The following CDK7 variants were observed in gnomAD, a reference collection of about 807,000 sequenced individuals.
The protein encoded by CDK7 is cyclin-dependent kinase 7.
In CDK7, 25 loss-of-function variants were observed where a neutral mutation model predicts 49.1. That is an observed-to-expected ratio of 0.51 (90% confidence interval 0.37 to 0.71). The LOEUF (loss-of-function observed/expected upper bound fraction) is 0.71, where lower values mean the gene tolerates loss of function less well. Ranked by LOEUF, CDK7 falls within the 30% of genes least tolerant of loss-of-function variation. CDK7 has a pLI of 0.00. For missense variants in CDK7, 316 were observed against 411.7 expected (o/e 0.77, Z 2.01); for synonymous variants, 107 against 140.0 (o/e 0.76, Z 1.67).
rs1751363624 is a variant in CDK7 at position 69,269,207 on chromosome 5, G to A, written c.628G>A (p.Val210Ile). The A allele has an allele frequency of 5.0e-6, 8 of 1,593,300 alleles. No individual in the cohort carries two copies. Among genetic ancestry groups the A allele is most frequent in the Non-Finnish European group, 6.8e-6 (8 of 1,171,650 alleles). Residue 210 changes from valine to isoleucine, a missense_variant and splice_region_variant, in exon 9 of 12, where the codon GTT becomes ATT. Physicochemically the swap from Val to Ile is conservative, Grantham distance 29. Coordinates refer to ENST00000256443, the MANE Select transcript of CDK7 (RefSeq NM_001799.4). Reference sequence around the variant, plus strand: ...AAGTCTCCCTCTTACTTTCTTTCAGGTTCCTTTTTTGCCAGGAGATTCAGA... The same window carrying A: ...AAGTCTCCCTCTTACTTTCTTTCAGATTCCTTTTTTGCCAGGAGATTCAGA... ...GCILAELLLRVPFLPGDSDLD... is the reference protein window; with the variant it reads ...GCILAELLLRIPFLPGDSDLD...
At chr5:69,257,166 G>T (rs1411362055) in intron 5 of CDK7, among the ~76,000 whole-genome samples, 3 of 152,164 alleles carry the variant, frequency 2.0e-5, no homozygotes, top group Admixed American at 1.3e-4. Flanking sequence ...GCGGTTATGG[G>T]GGCTTTGGGG....
At chr5:69,248,576 C>T (rs1236700323) in intron 2 of CDK7, among the ~76,000 whole-genome samples, 9 of 151,838 alleles carry the variant, frequency 5.9e-5, no homozygotes, top group South Asian at 2.1e-4. Flanking sequence ...TTAGTAGAGA[C>T]GGGGTTTCTC....
At chr5:69,261,795 C>G (rs138084927) in intron 7 of CDK7, among the ~76,000 whole-genome samples, 6 of 152,208 alleles carry the variant, frequency 3.9e-5, no homozygotes, top group Admixed American at 2.6e-4. Context: ...TCCCAAAGTG[C>G]TGGGATTACA....
chr5:69,241,584 A>G (rs1465519906), intron 2 of CDK7, among the ~76,000 whole-genome samples: 1 of 151,990 alleles, frequency 6.6e-6, no homozygotes, highest in Non-Finnish European at 1.5e-5. Flanking sequence ...TCAGCCTCCC[A>G]AAGTGCTGGG....
In CDK7 at chr5:69,249,509, C is replaced by T. The variant is rs144822394; in HGVS notation, c.127-2909C>T. On this transcript the variant is annotated intron_variant, in intron 2 of 11. Coordinates refer to ENST00000256443, the MANE Select transcript of CDK7 (RefSeq NM_001799.4). The stretch of plus-strand genomic sequence containing the variant: ...AGTGAGCCGAGATTGCACCACTGCA[C>T]TCCAGCTTGGGTGACAGAGTGACAG... Among the ~76,000 whole-genome samples the T allele has an allele frequency of 1.4e-3, 215 of 151,458 alleles. 1 individual carries two copies. Among genetic ancestry groups the T allele is most frequent in the African/African-American group, 5.1e-3 (211 of 41,134 alleles).
chr5:69,251,226 T>C lies in CDK7; in HGVS notation c.127-1192T>C, dbSNP rs1024443735. ...GATTCTTCTGCCTCAGCCTCCCAAG[T>C]AGCTGGGACTACAGGCGTGTGCCAC... is the stretch of plus-strand genomic sequence containing the variant. On this transcript the variant is annotated intron_variant, in intron 2 of 11. Coordinates refer to ENST00000256443, the MANE Select transcript of CDK7 (RefSeq NM_001799.4). 2.6e-5 allele frequency among the ~76,000 whole-genome samples: 4 copies of C among 151,948 alleles called. No individual in the cohort carries two copies. The East Asian group carries it at 5.8e-4, about 22-fold the overall frequency.
chr5:69,267,035 G>A (rs1240180041), intron 8 of CDK7, among the ~76,000 whole-genome samples: 1 of 152,050 alleles, frequency 6.6e-6, no homozygotes, highest in Non-Finnish European at 1.5e-5. Flanking sequence ...ATACAAATAA[G>A]ACATTTTAAA....
chr5:69,269,760 T>A (rs968248101), intron 9 of CDK7, among the ~76,000 whole-genome samples: 38 of 151,458 alleles, frequency 2.5e-4, no homozygotes, highest in African/African-American at 7.5e-4. Flanking sequence ...TATTATTATT[T>A]TTTTTAATAG....
intron 2 of CDK7, among the ~76,000 whole-genome samples, chr5:69,243,278 A>G (rs971143224): frequency 6.6e-6 from 1 of 152,232 alleles, no homozygotes; most frequent in Non-Finnish European, 1.5e-5. Flanking sequence ...CACCAGGAAG[A>G]GAAGAAAGAC....
chr5:69,267,807 T>G (rs989713437), intron 8 of CDK7, among the ~76,000 whole-genome samples: 1 of 152,172 alleles, frequency 6.6e-6, no homozygotes, highest in Non-Finnish European at 1.5e-5. Flanking sequence ...ACACCAATTC[T>G]TAAAATTTGT....
At position 69,252,404 on chromosome 5, in the gene CDK7, T is replaced by TC. The variant is rs772750894; in HGVS notation, c.127-12dup. The TC allele has an allele frequency of 1.3e-6, 2 of 1,529,158 alleles. No individual in the cohort carries two copies. Among genetic ancestry groups the TC allele is most frequent in the Admixed American group, 3.9e-5 (2 of 51,658 alleles). The allele number at this position is 1,529,158 out of a possible 1,614,324, so 94.7% of individuals were successfully genotyped here. ...CATTTTTAATATATTTGGGTTTTTT[T>TC]CCGTTTCTACCAGATCAAACTTGGA... On this transcript the variant is annotated splice_polypyrimidine_tract_variant and intron_variant, in intron 2 of 11. Coordinates refer to ENST00000256443, the MANE Select transcript of CDK7 (RefSeq NM_001799.4).
chr5:69,238,835 T>C (rs1749183061), intron 2 of CDK7, among the ~76,000 whole-genome samples: 1 of 151,962 alleles, frequency 6.6e-6, no homozygotes, highest in Non-Finnish European at 1.5e-5. Flanking sequence ...GTGCTGAGAT[T>C]ACAGGCTTGA....
intron 2 of CDK7, among the ~76,000 whole-genome samples, chr5:69,245,370 C>G (rs1749684449): frequency 6.9e-6 from 1 of 145,840 alleles, no homozygotes; most frequent in African/African-American, 2.5e-5. Context: ...TTTTCTCGCT[C>G]TATCGCCTAC....
intron 10 of CDK7, among the ~76,000 whole-genome samples, chr5:69,273,810 A>G (rs1751820000): frequency 6.6e-6 from 1 of 152,156 alleles, no homozygotes. Context: ...CCAGGCTACA[A>G]AATCATTGTT....
intron 7 of CDK7, among the ~76,000 whole-genome samples, chr5:69,261,015 G>A (rs1413885972): frequency 1.3e-5 from 2 of 152,082 alleles, no homozygotes; most frequent in South Asian, 2.1e-4. Context: ...GATGGGTTTC[G>A]CCATGTTGCC....
chr5:69,266,127 T>C (rs1751142446), intron 8 of CDK7, among the ~76,000 whole-genome samples: 1 of 151,970 alleles, frequency 6.6e-6, no homozygotes, highest in Non-Finnish European at 1.5e-5. Context: ...CCACCTGGTG[T>C]GTATAGGGCA....
At chr5:69,245,204 A>T (rs1002155167) in intron 2 of CDK7, among the ~76,000 whole-genome samples, 8 of 151,578 alleles carry the variant, frequency 5.3e-5, no homozygotes, top group African/African-American at 1.7e-4. Context: ...ATGAGTTTGG[A>T]AGTATTTACT....
intron 3 of CDK7, among the ~76,000 whole-genome samples, chr5:69,254,305 C>T (rs1164578608): frequency 6.6e-6 from 1 of 151,954 alleles, no homozygotes; most frequent in African/African-American, 2.4e-5. Flanking sequence ...GGGTGGATCA[C>T]GAGGTCAGGA....
At chr5:69,235,487 C>T (rs911225029) in intron 2 of CDK7, 34 bp downstream of exon 2, 4 of 1,377,120 alleles carry the variant, frequency 2.9e-6, no homozygotes, top group Non-Finnish European at 3.1e-6. Context: ...TTTAAGTCTC[C>T]TTGAAGATGT....
Sources: allele counts gnomAD v4.1 joint callset (sites outside exome capture counted in the v4.1 genomes callset), GRCh38; gene constraint gnomAD v4.1.1; transcripts MANE v1.5; gene names NCBI Gene and HGNC (gene_info 2026-07-23, HGNC 2026-07-21).